ALDH2: variants seen among roughly 807,000 people sequenced by gnomAD.
ALDH2 encodes aldehyde dehydrogenase 2 family member, also known as aldehyde dehydrogenase, mitochondrial.
Under a neutral mutation model 59.6 loss-of-function variants are expected in ALDH2, and 44 were observed. That is an observed-to-expected ratio of 0.74 (90% CI 0.58 to 0.95). The LOEUF is 0.95. Ranked by LOEUF, ALDH2 falls within the 40% of genes least tolerant of loss-of-function variation. The pLI, the probability that ALDH2 is intolerant of heterozygous loss-of-function variation, is 0.00. For missense variants in ALDH2, 570 were observed against 696.3 expected (o/e 0.82, Z 2.04); for synonymous variants, 291 against 284.0 (o/e 1.02, Z -0.25).
chr12:111,774,856 T>C (rs748233256), intron 1 of ALDH2, among the ~76,000 whole-genome samples: 2 of 152,172 alleles, frequency 1.3e-5, no homozygotes, highest in Admixed American at 6.5e-5. Flanking sequence ...ACTAAGTCTC[T>C]GCCTGGCATG....
intron 10 of ALDH2, 183 bp from the exon 11 acceptor site, chr12:111,799,723 C>A: frequency 1.6e-6 from 1 of 621,648 alleles, no homozygotes; most frequent in Non-Finnish European, 2.6e-6. Context: ...AGGAAGTTGG[C>A]CCCTGTTAGC....
chr12:111,796,305 G>A (rs1028390233), intron 9 of ALDH2, among the ~76,000 whole-genome samples: 1 of 151,868 alleles, frequency 6.6e-6, no homozygotes, highest in Non-Finnish European at 1.5e-5. Context: ...CTGGGTGACA[G>A]AGTGAGACTC....
chr12:111,791,124 C>A (rs140459222), intron 6 of ALDH2, among the ~76,000 whole-genome samples, 182 bp from the exon 7 acceptor site: 1 of 152,142 alleles, frequency 6.6e-6, no homozygotes, highest in Non-Finnish European at 1.5e-5. Flanking sequence ...GGAACCCCAG[C>A]GAACAGACTC....
chr12:111,793,678 C>T (rs1386647814), intron 9 of ALDH2, among the ~76,000 whole-genome samples: 4 of 151,762 alleles, frequency 2.6e-5, no homozygotes, highest in East Asian at 1.9e-4. Flanking sequence ...TCATGCCTCC[C>T]GGGTTCAAGC....
At position 111,813,582 on chromosome 12, in the gene ALDH2, T is replaced by G. The variant is rs1455225301; in HGVS notation, c.*4007T>G. ...ACCCAAATATCAGTCAATAGATGAA[T>G]GGACAGACAAAATGTGACATATCCA... On this transcript the variant is annotated 3_prime_UTR_variant, in exon 13 of 13. Transcript: ENST00000261733. 2.6e-5 allele frequency: 4 copies of G among 152,180 alleles called. No individual in the cohort carries two copies. In the South Asian group the frequency reaches 6.2e-4, roughly 24 times the overall value. 9.4% of individuals were successfully genotyped at this position (152,180 alleles called of 1,614,324 possible).
At chr12:111,786,330 G>A (rs777321905) in intron 4 of ALDH2, among the ~76,000 whole-genome samples, 121 of 151,870 alleles carry the variant, frequency 8.0e-4, no homozygotes, top group Non-Finnish European at 1.4e-3. Flanking sequence ...TCCGCCTCCC[G>A]GGTTCATGCC....
Position 111,792,634 on chromosome 12 carries a change from T to C in ALDH2, c.935T>C (p.Phe312Ser). The change falls in exon 9 of 13, where the codon TTC becomes TCC. Residue 312 changes from phenylalanine to serine, a missense_variant. Transcript: ENST00000261733. ...GTGGAACAGGCCCACTTCGCCCTGT[T>C]CTTCAACCAGGGCCAGTGCTGCTGT... is the stretch of plus-strand genomic sequence containing the variant. ...WAVEQAHFAL[F>S]FNQGQCCCAG... is the part of the protein sequence containing the mutation. The C allele has an allele frequency of 6.2e-7, 1 of 1,613,100 alleles. No homozygotes were observed. The highest frequency in any genetic ancestry group is 8.5e-7 in the Non-Finnish European group (1 of 1,179,846).
chr12:111,770,143 C>CAAA (rs5800933), intron 1 of ALDH2, among the ~76,000 whole-genome samples: 1 of 137,598 alleles, frequency 7.3e-6, no homozygotes, highest in Admixed American at 7.3e-5. Context: ...GACTCCATCT[C>CAAA]AAAAAAAAAA....
At chr12:111,806,110 G>A (rs1209986777) in intron 12 of ALDH2, among the ~76,000 whole-genome samples, 2 of 151,448 alleles carry the variant, frequency 1.3e-5, no homozygotes, top group Non-Finnish European at 2.9e-5. Flanking sequence ...TCAGGAGATC[G>A]AGACCATCCT....
At chr12:111,794,869 T>C (rs2136020793) in intron 9 of ALDH2, among the ~76,000 whole-genome samples, 1 of 152,272 alleles carries the variant, frequency 6.6e-6, no homozygotes, top group Admixed American at 6.5e-5. Context: ...AAATGCACCA[T>C]TTTAGTGTAC....
intron 1 of ALDH2, among the ~76,000 whole-genome samples, chr12:111,778,091 G>C (rs1054070833): frequency 6.6e-6 from 1 of 152,122 alleles, no homozygotes; most frequent in Non-Finnish European, 1.5e-5. Context: ...CCCTGCCATC[G>C]TCATGGCGTT....
chr12:111,791,247 G>C, intron 6 of ALDH2, 59 bp from the exon 7 acceptor site: 1 of 1,310,376 alleles, frequency 7.6e-7, no homozygotes, highest in Non-Finnish European at 1.1e-6. Flanking sequence ...GTCTTCCCCT[G>C]GTTGAGCCCT....
rs1226098955 is a variant in ALDH2, at chr12:111,812,914, T to G, written c.*3339T>G. 6.6e-6 allele frequency: 1 copy of G among 152,088 alleles called. No homozygotes were observed. The highest frequency in any genetic ancestry group is 1.5e-5 in the Non-Finnish European group (1 of 68,030). 9.4% of individuals were successfully genotyped at this position (152,088 alleles called of 1,614,324 possible). A position where few individuals can be genotyped will look rare whatever the true frequency, so the allele number is the denominator to read the frequency against. The stretch of plus-strand genomic sequence containing the variant: ...CAAGAAAAGAATACTGCAAAGAACC[T>G]TGGTAGGGGTGAATTGGAAAAAGTA... On this transcript the variant is annotated 3_prime_UTR_variant, in exon 13 of 13. Transcript: ENST00000261733.
In ALDH2 at chr12:111,813,479, A is replaced by C. The variant is rs1366698585; in HGVS notation, c.*3904A>C. 1 of 152,256 alleles carries C rather than the reference A, an allele frequency of 6.6e-6. No homozygotes were observed. Among genetic ancestry groups the C allele is most frequent in the Non-Finnish European group, 1.5e-5 (1 of 68,060 alleles). The allele number at this position is 152,256 out of a possible 1,614,324, so 9.4% of individuals were successfully genotyped here. ...CAGGATCACATACTGGAAAGAATTG[A>C]AAACAGAGACTCCCAACAAAAACTT... On this transcript the variant is annotated 3_prime_UTR_variant, in exon 13 of 13. Coordinates refer to ENST00000261733, the MANE Select transcript of ALDH2 (RefSeq NM_000690.4).
In ALDH2 at chr12:111,809,840, CCT is replaced by C. The variant is rs1477264166; in HGVS notation, c.*272_*273del. The C allele has an allele frequency of 3.8e-6, 2 of 528,186 alleles. No homozygotes were observed. Among genetic ancestry groups the C allele is most frequent in the East Asian group, 6.5e-5 (2 of 30,826 alleles). The allele number at this position is 528,186 out of a possible 1,614,324, so 32.7% of individuals were successfully genotyped here. On this transcript the variant is annotated 3_prime_UTR_variant, in exon 13 of 13. Transcript: ENST00000261733. ...TAAAAAATAGATTCAAATGTGTTAT[CCT>C]CTCTCTGAAACGCTTCCTATAACTC...
intron 4 of ALDH2, among the ~76,000 whole-genome samples, chr12:111,786,216 TTTGATTGA>T (rs537374639): frequency 1.0e-3 from 154 of 152,246 alleles, no homozygotes; most frequent in African/African-American, 3.5e-3. Context: ...ATCAAAAATG[TTTGATTGA>T]TTGATTGATT....
At chr12:111,802,289 G>A (rs2068457871) in intron 11 of ALDH2, among the ~76,000 whole-genome samples, 1 of 151,890 alleles carries the variant, frequency 6.6e-6, no homozygotes, top group South Asian at 2.1e-4. Context: ...GCATGCACCT[G>A]TAATCCCAGC....
In ALDH2 at chr12:111,777,603, C is replaced by T. The variant is rs571716822; in HGVS notation, c.115-4315C>T. ...GGCTGCAAGCTGCCTGCCCGCCCCC[C>T]ACGCCCGTGAGCCCCCATCTTCCAG... On this transcript the variant is annotated intron_variant, in intron 1 of 12. Transcript: ENST00000261733. Among the ~76,000 whole-genome samples the T allele has an allele frequency of 1.2e-4, 18 of 152,260 alleles. No homozygotes were observed. In the East Asian group the frequency reaches 2.9e-3, roughly 25 times the overall value.
intron 4 of ALDH2, among the ~76,000 whole-genome samples, chr12:111,787,978 G>A (rs537573137): frequency 2.0e-5 from 3 of 152,058 alleles, no homozygotes; most frequent in Non-Finnish European, 4.4e-5. Context: ...GGTGGAGCTT[G>A]CAGTGAGCTG....
Sources: allele counts gnomAD v4.1 joint callset (sites outside exome capture counted in the v4.1 genomes callset), GRCh38; gene constraint gnomAD v4.1.1; transcripts MANE v1.5; gene names NCBI Gene and HGNC (gene_info 2026-07-23, HGNC 2026-07-21).